The following ACTR1B variants were observed in gnomAD, a reference collection of about 807,000 sequenced individuals.
The protein encoded by ACTR1B is beta-centractin.
ACTR1B carries 34 observed loss-of-function variants against 49.4 expected under a neutral mutation model. The observed-to-expected ratio is 0.69, with a 90% CI of 0.52 to 0.92. The LOEUF (loss-of-function observed/expected upper bound fraction) is 0.92, where lower values mean the gene tolerates loss of function less well. ACTR1B is among the 40% of genes least tolerant of loss of function. The pLI, the probability that ACTR1B is intolerant of heterozygous loss-of-function variation, is 0.00. For synonymous variants in ACTR1B, 207 were observed against 207.8 expected (o/e 1.00, Z 0.03); for missense variants, 471 against 522.4 (o/e 0.90, Z 0.96).
At position 97,661,936 on chromosome 2, in the gene ACTR1B, AC is replaced by A; in HGVS notation, c.58del (p.Val20Ter). 1 of 1,591,268 alleles carries A rather than the reference AC, an allele frequency of 6.3e-7. No individual in the cohort carries two copies. Among genetic ancestry groups the A allele is most frequent in the Non-Finnish European group, 8.6e-7 (1 of 1,167,034 alleles). On this transcript the variant is annotated frameshift_variant, in exon 2 of 11. Transcript: ENST00000289228. LOFTEE classifies it high-confidence loss of function. ...QPVVIDNGSG[V>X]IKAGFAGDQI... ...GTCTCCTGCAAAGCCAGCTTTAATC[AC>A]CCCCGAACCCTGCAAGGAAAAACAA...
chr2:97,661,871 G>C lies in ACTR1B; in HGVS notation c.113+11C>G. The C allele has an allele frequency of 1.3e-6, 2 of 1,583,902 alleles. No homozygotes were observed. The highest frequency in any genetic ancestry group is 1.7e-6 in the Non-Finnish European group (2 of 1,162,818). On this transcript the variant is annotated intron_variant, in intron 2 of 10. Coordinates refer to ENST00000289228, the MANE Select transcript of ACTR1B (RefSeq NM_005735.4). ...CAAAAGGACTAAGGCTGCTGCCTGA[G>C]CCACACTTACTAGTTTGGGAAACAG...
At chr2:97,662,409 T>C (rs1362014446) in intron 1 of ACTR1B, among the ~76,000 whole-genome samples, 1 of 151,742 alleles carries the variant, frequency 6.6e-6, no homozygotes, top group Admixed American at 6.6e-5. Context: ...TGGGTCTTTT[T>C]TTTTTTTTTT....
chr2:97,660,436 G>T, intron 3 of ACTR1B, 135 bp downstream of exon 3: 5 of 801,016 alleles, frequency 6.2e-6, no homozygotes, highest in African/African-American at 1.7e-5. Context: ...AGGGGGAGGT[G>T]CCCCTGCACA....
Position 97,659,832 on chromosome 2 carries a change from T to A in ACTR1B, c.190-355A>T. On this transcript the variant is annotated intron_variant, in intron 3 of 10. Coordinates refer to ENST00000289228, the MANE Select transcript of ACTR1B (RefSeq NM_005735.4). This position sits in a 1 kb window ranked among gnomAD's most constrained non-coding sequence, Gnocchi z 4.0. ...TCCCCTCTGGCCAGCGCCGGCACCT[T>A]GCAGCCGCCCAACACGGCCCCTCCT... The A allele has an allele frequency of 3.0e-6, 1 of 337,610 alleles. No individual in the cohort carries two copies. Among genetic ancestry groups the A allele is most frequent in the Non-Finnish European group, 5.5e-6 (1 of 180,690 alleles). The allele number at this position is 337,610 out of a possible 1,614,324, so 20.9% of individuals were successfully genotyped here. A position where few individuals can be genotyped will look rare whatever the true frequency, so the allele number is the denominator to read the frequency against.
In ACTR1B at chr2:97,658,133, T is replaced by C. The variant is rs779674723; in HGVS notation, c.751-16A>G. 5.0e-6 allele frequency: 8 copies of C among 1,613,324 alleles called. No individual in the cohort carries two copies. The African/African-American group carries it at 6.7e-5, about 13-fold the overall frequency. ...CAGGCCCCACCTTTAGTGTACAAGA[T>C]TGAGGCAGACAGGCTTCCTGGAGAA... On this transcript the variant is annotated splice_polypyrimidine_tract_variant and intron_variant, in intron 7 of 10. Coordinates refer to ENST00000289228, the MANE Select transcript of ACTR1B (RefSeq NM_005735.4). The surrounding 1 kb of genome is among the most constrained non-coding windows in gnomAD (Gnocchi z 5.9).
In ACTR1B at chr2:97,658,763, C is replaced by T; in HGVS notation, c.440+116G>A. The T allele has an allele frequency of 6.3e-7, 1 of 1,586,946 alleles. No homozygotes were observed. Among genetic ancestry groups the T allele is most frequent in the Non-Finnish European group, 8.6e-7 (1 of 1,158,780 alleles). On this transcript the variant is annotated intron_variant, in intron 5 of 10. Coordinates refer to ENST00000289228, the MANE Select transcript of ACTR1B (RefSeq NM_005735.4). The surrounding 1 kb of genome is among the most constrained non-coding windows in gnomAD (Gnocchi z 5.9). ...CTGAAGAGAGGACACGAGGGACTCC[C>T]TAGAGGAACAGTCATCAAGGGGCTG...
In ACTR1B at chr2:97,656,622, G is replaced by T; in HGVS notation, c.*236C>A. 2.0e-6 allele frequency: 1 copy of T among 509,644 alleles called. No individual in the cohort carries two copies. The highest frequency in any genetic ancestry group is 3.5e-6 in the Non-Finnish European group (1 of 283,448). 31.6% of individuals were successfully genotyped at this position (509,644 alleles called of 1,614,324 possible). On this transcript the variant is annotated 3_prime_UTR_variant, in exon 11 of 11. Coordinates refer to ENST00000289228, the MANE Select transcript of ACTR1B (RefSeq NM_005735.4). Reference sequence around the variant, plus strand: ...GGGATACCCACAACAGCCTGACATGGCGCTCAATTCCCACACGCCAGCTCA... The same window carrying T: ...GGGATACCCACAACAGCCTGACATGTCGCTCAATTCCCACACGCCAGCTCA...
Position 97,660,623 on chromosome 2 carries a change from C to A in ACTR1B, c.137G>T (p.Arg46Leu). The A allele has an allele frequency of 1.9e-6, 3 of 1,614,088 alleles. No individual in the cohort carries two copies. Among genetic ancestry groups the A allele is most frequent in the Middle Eastern group, 1.6e-4 (1 of 6,062 alleles). ...PNYVGRPKHMRVMAGALEGDL... is the reference protein window; with the variant it reads ...PNYVGRPKHMLVMAGALEGDL... ...CCCCTCCAGGGCTCCAGCCATCACC[C>A]GCATGTGCTTCGGCCGCCCGACACT... is the stretch of plus-strand genomic sequence containing the variant. The change falls in exon 3 of 11, where the codon CGG (arginine) becomes CTG (leucine). Residue 46 changes from arginine to leucine, a missense_variant. Transcript: ENST00000289228.
chr2:97,657,573 A>G, intron 8 of ACTR1B, 64 bp from the exon 9 acceptor site: 1 of 1,549,714 alleles, frequency 6.5e-7, no homozygotes, highest in Non-Finnish European at 8.9e-7. Flanking sequence ...TAGCTCCCGC[A>G]CCCAGCCTTC....
Position 97,657,513 on chromosome 2 carries a change from T to C in ACTR1B, c.926-4A>G. ...CTGAGTAATCGGTCTCCGAAGCCTG[T>C]GAACACAAAGCTGGCTGAGCCTGGG... On this transcript the variant is annotated splice_polypyrimidine_tract_variant and splice_region_variant and intron_variant, in intron 8 of 10. Coordinates refer to ENST00000289228, the MANE Select transcript of ACTR1B (RefSeq NM_005735.4). 6.2e-7 allele frequency: 1 copy of C among 1,614,218 alleles called. No homozygotes were observed. The highest frequency in any genetic ancestry group is 8.5e-7 in the Non-Finnish European group (1 of 1,180,030).
Position 97,659,907 on chromosome 2 carries a change from G to T in ACTR1B, c.190-430C>A. The T allele has an allele frequency of 4.4e-6, 1 of 228,060 alleles. No individual in the cohort carries two copies. Among genetic ancestry groups the T allele is most frequent in the South Asian group, 6.2e-5 (1 of 16,198 alleles). The allele number at this position is 228,060 out of a possible 1,614,324, so 14.1% of individuals were successfully genotyped here. A position where few individuals can be genotyped will look rare whatever the true frequency, so the allele number is the denominator to read the frequency against. On this transcript the variant is annotated intron_variant, in intron 3 of 10. Transcript: ENST00000289228. This position sits in a 1 kb window ranked among gnomAD's most constrained non-coding sequence, Gnocchi z 4.0. ...CGCCTCTCCCCCCAGCCCTTTGGCC[G>T]GTCCTCACCAGTCCCCTGTTTGCAC...
rs954178996 is a variant in ACTR1B at position 97,656,014 on chromosome 2, G to T, written c.*844C>A. The T allele has an allele frequency of 2.0e-5, 3 of 152,158 alleles. No individual in the cohort carries two copies. Among genetic ancestry groups the T allele is most frequent in the African/African-American group, 7.2e-5 (3 of 41,428 alleles). The allele number at this position is 152,158 out of a possible 1,614,324, so 9.4% of individuals were successfully genotyped here. ...TAATGATTTACAAAAGTTTTTTTCA[G>T]GCAACCGTGTTAAATTATTGTACAT... On this transcript the variant is annotated 3_prime_UTR_variant, in exon 11 of 11. Transcript: ENST00000289228.
At chr2:97,662,600 TC>T (rs888599527) in intron 1 of ACTR1B, among the ~76,000 whole-genome samples, 1 of 151,542 alleles carries the variant, frequency 6.6e-6, no homozygotes, top group African/African-American at 2.4e-5. Flanking sequence ...GACTTAAGGA[TC>T]CCCCAAAGAA....
At chr2:97,660,776 C>A (rs1674991671) in intron 2 of ACTR1B, 130 bp from the exon 3 acceptor site, 2 of 893,860 alleles carry the variant, frequency 2.2e-6, no homozygotes, top group South Asian at 2.9e-5. Flanking sequence ...GGCTGGGGGG[C>A]ACAGGTTGGA....
chr2:97,657,663 A>G (rs1573180218), intron 8 of ACTR1B, among the ~76,000 whole-genome samples, 154 bp from the exon 9 acceptor site: 1 of 152,300 alleles, frequency 6.6e-6, no homozygotes, highest in South Asian at 2.1e-4. Flanking sequence ...ATCCAGCCCC[A>G]TGGCTGCCTG....
Position 97,659,613 on chromosome 2 carries a change from G to T in ACTR1B, c.190-136C>A. 7.6e-7 allele frequency: 1 copy of T among 1,318,026 alleles called. No individual in the cohort carries two copies. 81.6% of individuals were successfully genotyped at this position (1,318,026 alleles called of 1,614,324 possible). A position where few individuals can be genotyped will look rare whatever the true frequency, so the allele number is the denominator to read the frequency against. ...CCAGAACCACCCCTGCTCACTGGGT[G>T]TCCCAGGGTCTGTGGCGGGTCCTGA... On this transcript the variant is annotated intron_variant, in intron 3 of 10. Coordinates refer to ENST00000289228, the MANE Select transcript of ACTR1B (RefSeq NM_005735.4). The surrounding 1 kb of genome is among the most constrained non-coding windows in gnomAD (Gnocchi z 4.0).
chr2:97,659,285 G>C lies in ACTR1B; in HGVS notation c.315+67C>G. On this transcript the variant is annotated intron_variant, in intron 4 of 10. Transcript: ENST00000289228. This position sits in a 1 kb window ranked among gnomAD's most constrained non-coding sequence, Gnocchi z 4.0. The stretch of plus-strand genomic sequence containing the variant: ...AAGGGAAATGTGGGAGCCCGGCGAG[G>C]AGGGACGCAGAGGAGAGGGGCATGG... 1 of 1,605,384 alleles carries C rather than the reference G, an allele frequency of 6.2e-7. No homozygotes were observed. Among genetic ancestry groups the C allele is most frequent in the Non-Finnish European group, 8.5e-7 (1 of 1,175,628 alleles).
At chr2:97,657,548 C>A (rs374350842) in intron 8 of ACTR1B, 39 bp from the exon 9 acceptor site, 3 of 1,605,174 alleles carry the variant, frequency 1.9e-6, no homozygotes, top group Non-Finnish European at 2.6e-6. Context: ...GGTCTGCACC[C>A]GGCCTCCTCG....
chr2:97,659,851 C>CCCTCCTGGG lies in ACTR1B; in HGVS notation c.190-383_190-375dup. ...GCACCTTGCAGCCGCCCAACACGGC[C>CCCTCCTGGG]CCTCCTGGGCCACCTGTGCCCCCTG... On this transcript the variant is annotated intron_variant, in intron 3 of 10. Coordinates refer to ENST00000289228, the MANE Select transcript of ACTR1B (RefSeq NM_005735.4). The surrounding 1 kb of genome is among the most constrained non-coding windows in gnomAD (Gnocchi z 4.0). The CCCTCCTGGG allele has an allele frequency of 3.2e-6, 1 of 316,654 alleles. No homozygotes were observed. The highest frequency in any genetic ancestry group is 3.5e-5 in the South Asian group (1 of 28,384). The allele number at this position is 316,654 out of a possible 1,614,324, so 19.6% of individuals were successfully genotyped here.
Sources: allele counts gnomAD v4.1 joint callset (sites outside exome capture counted in the v4.1 genomes callset), GRCh38; gene constraint gnomAD v4.1.1; non-coding constraint Gnocchi (gnomAD v3.1); transcripts MANE v1.5; gene names NCBI Gene and HGNC (gene_info 2026-07-23, HGNC 2026-07-21).